The following SPATS2 variants were observed in gnomAD, a reference collection of about 807,000 sequenced individuals.
SPATS2 encodes the protein spermatogenesis associated serine rich 2.
SPATS2 carries 38 observed loss-of-function variants against 63.7 expected under a neutral mutation model. That is an observed-to-expected ratio of 0.60 (90% CI 0.46 to 0.78). SPATS2 has a LOEUF of 0.78. Among genes scored for constraint, SPATS2 ranks in the 30% least tolerant of loss-of-function variants. SPATS2 has a pLI of 0.00. For synonymous variants in SPATS2, 207 were observed against 232.9 expected, an observed-to-expected ratio of 0.89 and a Z score of 1.01; for missense variants, 588 against 666.2, an observed-to-expected ratio of 0.88 and a Z score of 1.29.
At chr12:49,436,167 C>T (rs1401048734) in intron 2 of SPATS2, among the ~76,000 whole-genome samples, 1 of 151,896 alleles carries the variant, frequency 6.6e-6, no homozygotes, top group African/African-American at 2.4e-5. Context: ...GTACACCTCC[C>T]AGACGGGGTG....
At chr12:49,389,432 T>C (rs1171979453) in intron 2 of SPATS2, 5 of 626,840 alleles carry the variant, frequency 8.0e-6, no homozygotes, top group Non-Finnish European at 1.5e-5. Context: ...CTTGGGTGCA[T>C]AGGTCCCGGT....
rs1217212447 is a variant in SPATS2 at position 49,462,126 on chromosome 12, T to C, written c.25+1089T>C. The C allele has an allele frequency of 5.2e-6, 3 of 574,370 alleles. No homozygotes were observed. In the African/African-American group the frequency reaches 5.7e-5, roughly 11 times the overall value. The allele number at this position is 574,370 out of a possible 1,614,324, so 35.6% of individuals were successfully genotyped here. A position where few individuals can be genotyped will look rare whatever the true frequency, so the allele number is the denominator to read the frequency against. On this transcript the variant is annotated intron_variant, in intron 3 of 13. Transcript: ENST00000552918. ...AAAAGTTAACTTCAGCAAATTACTT[T>C]GACCTTTTTAAAACTAGAGAGTCTT... is the stretch of plus-strand genomic sequence containing the variant.
intron 2 of SPATS2, chr12:49,387,223 A>G (rs1247399714): frequency 6.6e-6 from 1 of 152,268 alleles, no homozygotes; most frequent in African/African-American, 2.4e-5. Context: ...TAGAGCAAGA[A>G]GTTGAAGGGA....
At position 49,462,662 on chromosome 12, in the gene SPATS2, T is replaced by C; in HGVS notation, c.25+1625T>C. On this transcript the variant is annotated intron_variant, in intron 3 of 13. Transcript: ENST00000552918. Reference sequence around the variant, plus strand: ...TAAATGCGGGAGATTTTATTGCTGATGAAAGTGGCTTTTAGCAGGAAGGGG... The same window carrying C: ...TAAATGCGGGAGATTTTATTGCTGACGAAAGTGGCTTTTAGCAGGAAGGGG... 3 of 579,524 alleles carry C rather than the reference T, an allele frequency of 5.2e-6. No homozygotes were observed. The East Asian group carries it at 8.7e-5, about 17-fold the overall frequency. The allele number at this position is 579,524 out of a possible 1,614,324, so 35.9% of individuals were successfully genotyped here.
chr12:49,419,971 C>T (rs1177648770), intron 2 of SPATS2, among the ~76,000 whole-genome samples: 1 of 152,170 alleles, frequency 6.6e-6, no homozygotes, highest in East Asian at 1.9e-4. Flanking sequence ...GTTCTTGAGA[C>T]AGTCCTTTAT....
rs377760723 is a variant in SPATS2 at position 49,388,230 on chromosome 12, G to A, written c.-244+16940G>A. 6.2e-4 allele frequency among the ~76,000 whole-genome samples: 94 copies of A among 151,940 alleles called. 3 individuals are homozygous for A. The South Asian group carries it at 0.019, about 31-fold the overall frequency. On this transcript the variant is annotated intron_variant, in intron 2 of 13. Transcript: ENST00000552918. ...CTTACTTTGCTTTAAGTGTTTCTTCGTAAGCTGTACATAGTTGTATTTCAA... is the reference window on the plus strand; with the variant it reads ...CTTACTTTGCTTTAAGTGTTTCTTCATAAGCTGTACATAGTTGTATTTCAA...
rs1409006961 is a variant in SPATS2, at chr12:49,460,825, T to C, written c.-188T>C. 8.0e-6 allele frequency: 5 copies of C among 627,886 alleles called. No individual in the cohort carries two copies. Among genetic ancestry groups the C allele is most frequent in the East Asian group, 5.7e-5 (2 of 34,974 alleles). 38.9% of individuals were successfully genotyped at this position (627,886 alleles called of 1,614,324 possible). A position where few individuals can be genotyped will look rare whatever the true frequency, so the allele number is the denominator to read the frequency against. ...TGCAATGATACTTCCTGACAAGAAGTTGATACAAGAAAAGGAAAGGAGATT... is the reference window on the plus strand; with the variant it reads ...TGCAATGATACTTCCTGACAAGAAGCTGATACAAGAAAAGGAAAGGAGATT... On this transcript the variant is annotated 5_prime_UTR_variant, in exon 3 of 14. Transcript: ENST00000552918.
intron 6 of SPATS2, among the ~76,000 whole-genome samples, chr12:49,492,383 G>T (rs186789068): frequency 1.4e-5 from 2 of 146,196 alleles, no homozygotes; most frequent in Admixed American, 6.6e-5. Flanking sequence ...ACTGCGCCTG[G>T]CTAATATTTG....
At chr12:49,481,172 C>T (rs556221568) in intron 3 of SPATS2, among the ~76,000 whole-genome samples, 178 of 152,126 alleles carry the variant, frequency 1.2e-3, no homozygotes, top group African/African-American at 4.2e-3. Context: ...CCAGCCTGAC[C>T]AACATGGTGA....
chr12:49,492,219 C>CT lies in SPATS2; in HGVS notation c.264+1500dup, dbSNP rs534727922. On this transcript the variant is annotated intron_variant, in intron 6 of 13. Transcript: ENST00000552918. ...CACCAGTTTCTTTTTTTTCTTTTTT[C>CT]TTTTTTTTTTTTCTTTTTGAGATGG... Among the ~76,000 whole-genome samples the CT allele has an allele frequency of 7.1e-3, 1,024 of 144,198 alleles. 6 individuals are homozygous for CT. The highest frequency in any genetic ancestry group is 0.013 in the South Asian group (57 of 4,554). 94.6% of individuals were successfully genotyped at this position (144,198 alleles called of 152,430 possible).
intron 2 of SPATS2, among the ~76,000 whole-genome samples, chr12:49,409,667 A>G (rs1944762758): frequency 7.1e-6 from 1 of 141,364 alleles, no homozygotes; most frequent in Admixed American, 7.4e-5. Flanking sequence ...CTGTGGCGCA[A>G]TGTCAGCTAA....
chr12:49,507,153 G>C (rs1423955022), intron 9 of SPATS2, among the ~76,000 whole-genome samples: 2 of 152,164 alleles, frequency 1.3e-5, no homozygotes, highest in African/African-American at 4.8e-5. Context: ...TTATTCTTAA[G>C]TCACAACTTG....
chr12:49,485,757 CTTTTTTTTTTTT>C (rs1304633706), intron 4 of SPATS2, among the ~76,000 whole-genome samples: 1 of 128,940 alleles, frequency 7.8e-6, no homozygotes, highest in Non-Finnish European at 1.7e-5. Flanking sequence ...TATGGGCTCT[CTTTTTTTTTTTT>C]TTTTTTTTGA....
rs1321679304 is a variant in SPATS2, at chr12:49,393,358, C to CT, written c.-244+22069dup. Among the ~76,000 whole-genome samples, 6 of 152,104 alleles carry CT rather than the reference C, an allele frequency of 3.9e-5. No homozygotes were observed. The East Asian group carries it at 1.2e-3, about 29-fold the overall frequency. ...GATTTTAGCAGCCATTGATTGTTGA[C>CT]TAGATCCATTCTTACATTAAGGCAT... On this transcript the variant is annotated intron_variant, in intron 2 of 13. Transcript: ENST00000552918.
At chr12:49,413,081 C>T (rs953236454) in intron 2 of SPATS2, among the ~76,000 whole-genome samples, 6 of 150,960 alleles carry the variant, frequency 4.0e-5, no homozygotes, top group African/African-American at 1.2e-4. Context: ...TGTTTTGTTC[C>T]TTAGTAAGGA....
At chr12:49,488,546 T>A (rs1946333267) in intron 4 of SPATS2, among the ~76,000 whole-genome samples, 1 of 151,978 alleles carries the variant, frequency 6.6e-6, no homozygotes, top group Non-Finnish European at 1.5e-5. Flanking sequence ...TAATCCTGAC[T>A]ACTCAGGAGG....
chr12:49,494,882 G>A lies in SPATS2; in HGVS notation c.406G>A (p.Gly136Ser). 1 of 1,613,976 alleles carries A rather than the reference G, an allele frequency of 6.2e-7. No homozygotes were observed. Among genetic ancestry groups the A allele is most frequent in the South Asian group, 1.1e-5 (1 of 91,074 alleles). ...KGGMNGYHVN[G>S]AINDTESVDS... ...TGGTATGAATGGCTACCATGTCAAT[G>A]GTGCCATCAATGACACTGAGTCTGT... The change falls in exon 7 of 14, where the codon GGT (glycine) becomes AGT (serine). Residue 136 changes from glycine (G) to serine (S), a missense_variant. Gly to Ser is a moderately conservative substitution (Grantham distance 56). Transcript: ENST00000552918.
intron 9 of SPATS2, among the ~76,000 whole-genome samples, chr12:49,508,653 T>G (rs921760559): frequency 6.6e-6 from 1 of 152,150 alleles, no homozygotes; most frequent in African/African-American, 2.4e-5. Flanking sequence ...CAGTCTGGTC[T>G]TGACCTCCTG....
At chr12:49,516,628 C>A (rs1946855333) in intron 10 of SPATS2, among the ~76,000 whole-genome samples, 1 of 151,702 alleles carries the variant, frequency 6.6e-6, no homozygotes, top group Admixed American at 6.6e-5. Context: ...ATCACTTGAA[C>A]CCAGGGGGCA....
Sources: allele counts gnomAD v4.1 joint callset (sites outside exome capture counted in the v4.1 genomes callset), GRCh38; gene constraint gnomAD v4.1.1; transcripts MANE v1.5; gene names NCBI Gene and HGNC (gene_info 2026-07-23, HGNC 2026-07-21).